Variants in ASIC2 observed in about 807,000 individuals in gnomAD.
ASIC2 encodes the protein acid-sensing ion channel 2.
ASIC2 carries 25 observed loss-of-function variants against 57.3 expected under a neutral mutation model. The observed-to-expected ratio is 0.44, with a 90% CI of 0.32 to 0.61. The LOEUF (loss-of-function observed/expected upper bound fraction) is 0.61. Ranked by LOEUF, ASIC2 falls within the 20% of genes least tolerant of loss-of-function variation. The pLI is 0.06. For missense variants in ASIC2, 641 were observed against 738.1 expected (o/e 0.87, Z 1.52); for synonymous variants, 319 against 307.5 (o/e 1.04, Z -0.39).
chr17:33,559,709 CT>C (rs1368847943), intron 1 of ASIC2, among the ~76,000 whole-genome samples: 1 of 152,182 alleles, frequency 6.6e-6, no homozygotes, highest in Non-Finnish European at 1.5e-5. Flanking sequence ...CCAGTGCCCT[CT>C]TTAAGATTAT....
chr17:33,563,040 T>C (rs904753221), intron 1 of ASIC2, among the ~76,000 whole-genome samples: 2 of 152,178 alleles, frequency 1.3e-5, no homozygotes, highest in African/African-American at 4.8e-5. Context: ...GCAGGGAGAT[T>C]GCTCAAGGGA....
chr17:33,403,274 A>G (rs898012949), intron 1 of ASIC2, among the ~76,000 whole-genome samples: 2 of 150,036 alleles, frequency 1.3e-5, no homozygotes, highest in Non-Finnish European at 3.0e-5. Flanking sequence ...ACAATATATT[A>G]ATAGAATTTG....
chr17:33,203,565 C>T (rs1002273120), intron 1 of ASIC2, among the ~76,000 whole-genome samples: 4 of 152,240 alleles, frequency 2.6e-5, no homozygotes, highest in South Asian at 2.1e-4. Flanking sequence ...CTCCTCTGCC[C>T]GCCTTTTTAT....
At chr17:33,282,549 A>T (rs974681092) in intron 1 of ASIC2, among the ~76,000 whole-genome samples, 10 of 151,692 alleles carry the variant, frequency 6.6e-5, no homozygotes, top group Non-Finnish European at 1.5e-4. Flanking sequence ...ATCTTGGCTC[A>T]TTATAACCTC....
chr17:34,154,423 C>T (rs1204802585), intron 1 of ASIC2, among the ~76,000 whole-genome samples: 4 of 152,092 alleles, frequency 2.6e-5, no homozygotes, highest in African/African-American at 9.7e-5. Flanking sequence ...ACACTACTGC[C>T]GATTTTGCTG....
intron 1 of ASIC2, among the ~76,000 whole-genome samples, chr17:33,550,224 T>C (rs1404491982): frequency 2.0e-5 from 3 of 152,214 alleles, no homozygotes. Flanking sequence ...AAATAGTTTA[T>C]GGAGGAGTGC....
chr17:33,657,493 G>A (rs1907112330), intron 1 of ASIC2, among the ~76,000 whole-genome samples: 1 of 152,098 alleles, frequency 6.6e-6, no homozygotes, highest in African/African-American at 2.4e-5. Context: ...TGGGAAGCAG[G>A]ACAGAGTATT....
chr17:33,150,199 C>G (rs1010649736), intron 1 of ASIC2, among the ~76,000 whole-genome samples: 2 of 152,160 alleles, frequency 1.3e-5, no homozygotes, highest in East Asian at 1.9e-4. Flanking sequence ...CTTGGAGGAA[C>G]CTTCATCTAA....
At chr17:33,335,032 G>A (rs1224031987) in intron 1 of ASIC2, among the ~76,000 whole-genome samples, 2 of 152,214 alleles carry the variant, frequency 1.3e-5, no homozygotes, top group Non-Finnish European at 2.9e-5. Context: ...CTCAAAGTCT[G>A]TAAACCAGTG....
At chr17:33,993,868 T>A (rs1906074627) in intron 1 of ASIC2, among the ~76,000 whole-genome samples, 1 of 152,186 alleles carries the variant, frequency 6.6e-6, no homozygotes, top group South Asian at 2.1e-4. Flanking sequence ...ACGGGCTTTT[T>A]CAGTTAAAAA....
At chr17:34,065,896 G>A (rs1279634257) in intron 1 of ASIC2, among the ~76,000 whole-genome samples, 1 of 152,052 alleles carries the variant, frequency 6.6e-6, no homozygotes, top group Non-Finnish European at 1.5e-5. Context: ...GTTCATGATG[G>A]CCAGCCCCTC....
At chr17:33,022,750 G>A (rs533332012) in intron 6 of ASIC2, among the ~76,000 whole-genome samples, 3 of 152,300 alleles carry the variant, frequency 2.0e-5, no homozygotes, top group Admixed American at 6.5e-5. Flanking sequence ...AAAAAAGATA[G>A]TTTCCTGCCC....
At chr17:34,045,370 T>A (rs1484228326) in intron 1 of ASIC2, among the ~76,000 whole-genome samples, 1 of 152,142 alleles carries the variant, frequency 6.6e-6, no homozygotes, top group African/African-American at 2.4e-5. Context: ...GAATTAACAC[T>A]CTTAAAAGAA....
intron 1 of ASIC2, among the ~76,000 whole-genome samples, chr17:33,310,934 GC>G (rs1906389395): frequency 6.6e-6 from 1 of 152,082 alleles, no homozygotes; most frequent in African/African-American, 2.4e-5. Context: ...TGGTTCAAGG[GC>G]TGGAGCTTTC....
intron 1 of ASIC2, among the ~76,000 whole-genome samples, chr17:33,659,087 G>A (rs1007731864): frequency 8.5e-5 from 13 of 152,124 alleles, no homozygotes; most frequent in African/African-American, 2.9e-4. Context: ...CGTGAATTTC[G>A]GAGGAACGCA....
rs1271737451 is a variant in ASIC2 at position 33,882,625 on chromosome 17, G to A, written c.555+273353C>T. On this transcript the variant is annotated intron_variant, in intron 1 of 9. Coordinates refer to the ASIC2 transcript ENST00000359872. Reference sequence around the variant, plus strand: ...GTCAGGAAACAACAGGTGCTGGAGAGGATGTGGAGAAATAGGAACTTTTAC... The same window carrying A: ...GTCAGGAAACAACAGGTGCTGGAGAAGATGTGGAGAAATAGGAACTTTTAC... 2.0e-5 allele frequency among the ~76,000 whole-genome samples: 3 copies of A among 152,326 alleles called. No homozygotes were observed. The East Asian group carries it at 5.8e-4, about 29-fold the overall frequency.
At chr17:34,035,775 T>A (rs1190134909) in intron 1 of ASIC2, among the ~76,000 whole-genome samples, 2 of 152,068 alleles carry the variant, frequency 1.3e-5, no homozygotes, top group South Asian at 2.1e-4. Flanking sequence ...AAAACACACG[T>A]GAAAAAATGC....
At chr17:33,589,553 G>A (rs1466511325) in intron 1 of ASIC2, among the ~76,000 whole-genome samples, 1 of 151,938 alleles carries the variant, frequency 6.6e-6, no homozygotes, top group African/African-American at 2.4e-5. Flanking sequence ...TGGAAACCTC[G>A]ATTCTACTTT....
intron 1 of ASIC2, among the ~76,000 whole-genome samples, chr17:34,126,888 CAT>C (rs1343666495): frequency 6.6e-6 from 1 of 152,156 alleles, no homozygotes; most frequent in African/African-American, 2.4e-5. Context: ...GTGCGTGAAC[CAT>C]GTGCTGAGTA....
Sources: gnomAD v4.1 joint callset for allele counts (sites outside exome capture counted in the v4.1 genomes callset) on GRCh38, gnomAD v4.1.1 for gene constraint, MANE v1.5 for transcripts, NCBI Gene and HGNC (gene_info 2026-07-23, HGNC 2026-07-21) for gene names.